Variants in PPIE observed in about 807,000 individuals in gnomAD.
The protein encoded by PPIE is peptidylprolyl isomerase E, also known as peptidyl-prolyl cis-trans isomerase E.
A neutral mutation model predicts 38.4 loss-of-function variants in PPIE; 20 were observed. That is an observed-to-expected ratio of 0.52 (90% CI 0.37 to 0.76). PPIE has a LOEUF of 0.76. Ranked by LOEUF, PPIE falls within the 30% of genes least tolerant of loss-of-function variation. The pLI, the probability that PPIE is intolerant of heterozygous loss-of-function variation, is 0.00. For missense variants in PPIE, 322 were observed against 385.8 expected (o/e 0.83, Z 1.39); for synonymous variants, 142 against 135.7 (o/e 1.05, Z -0.32).
downstream of PPIE, chr1:39,757,329 T>C (rs1389269115): frequency 6.6e-6 from 1 of 152,258 alleles, no homozygotes; most frequent in Admixed American, 6.5e-5. Flanking sequence ...GTCTTTATAA[T>C]AGCTTTGGGA....
At chr1:39,752,801 T>A in intron 8 of PPIE, 109 bp from the exon 9 acceptor site, 2 of 1,344,536 alleles carry the variant, frequency 1.5e-6, no homozygotes, top group South Asian at 1.4e-5. Context: ...GATCTGTGCA[T>A]CCCCGAGTCT....
intron 1 of PPIE, chr1:39,739,284 C>CA (rs1467741475): frequency 3.8e-6 from 1 of 262,266 alleles, no homozygotes; most frequent in African/African-American, 2.2e-5. Flanking sequence ...AGCCTTGCCA[C>CA]ACACCTCAGG....
intron 6 of PPIE, among the ~76,000 whole-genome samples, chr1:39,744,348 A>G (rs1040343680): frequency 3.3e-5 from 5 of 152,020 alleles, no homozygotes; most frequent in Admixed American, 3.3e-4. Context: ...CCTTCCTTCA[A>G]CCTGTACATG....
chr1:39,763,017 C>T, intron 9 of PPIE: 4 of 1,555,646 alleles, frequency 2.6e-6, no homozygotes, highest in Non-Finnish European at 2.7e-6. Flanking sequence ...ACTGCCCTCC[C>T]AGCCAGCTGG....
intron 9 of PPIE, chr1:39,763,686 C>G: frequency 1.9e-6 from 3 of 1,581,466 alleles, no homozygotes; most frequent in Non-Finnish European, 2.6e-6. Flanking sequence ...ATTGTCATTT[C>G]AGAAACAAGA....
chr1:39,746,055 GT>G (rs1647195956), intron 7 of PPIE: 3 of 152,154 alleles, frequency 2.0e-5, no homozygotes. Context: ...ACTCTTAGGT[GT>G]TTTGGTTTTT....
chr1:39,755,144 A>T lies in PPIE; in HGVS notation c.*1789A>T. On this transcript the variant is annotated 3_prime_UTR_variant, in exon 10 of 10. Transcript: ENST00000324379. Reference sequence around the variant, plus strand: ...GCTGGTCAGCCAGGCGGTTATAAAGAATCTCATCTGCTGAAGGCTTTTAGC... The same window carrying T: ...GCTGGTCAGCCAGGCGGTTATAAAGTATCTCATCTGCTGAAGGCTTTTAGC... The T allele has an allele frequency of 1.0e-6, 1 of 985,424 alleles. No individual in the cohort carries two copies. The highest frequency in any genetic ancestry group is 1.2e-6 in the Non-Finnish European group (1 of 829,930). The allele number at this position is 985,424 out of a possible 1,614,324, so 61.0% of individuals were successfully genotyped here. A position where few individuals can be genotyped will look rare whatever the true frequency, so the allele number is the denominator to read the frequency against.
At chr1:39,739,224 G>A in intron 1 of PPIE, 2 of 372,332 alleles carry the variant, frequency 5.4e-6, no homozygotes, top group Admixed American at 9.2e-5. Flanking sequence ...CAAGGTTCAG[G>A]TTATTTCACA....
In PPIE at chr1:39,753,382, C is replaced by T. The variant is rs778985859; in HGVS notation, c.*27C>T. The T allele has an allele frequency of 2.1e-4, 340 of 1,609,604 alleles. No individual in the cohort carries two copies. Among genetic ancestry groups the T allele is most frequent in the Middle Eastern group, 6.6e-4 (4 of 6,070 alleles). ...GCGGCACTCTCTCTGCTTCCCCCTCCGCTCTTGACCCTGCATATCCAGGAA... is the reference window on the plus strand; with the variant it reads ...GCGGCACTCTCTCTGCTTCCCCCTCTGCTCTTGACCCTGCATATCCAGGAA... On this transcript the variant is annotated 3_prime_UTR_variant, in exon 10 of 10. Coordinates refer to ENST00000324379, the MANE Select transcript of PPIE (RefSeq NM_006112.4).
intron 8 of PPIE, among the ~76,000 whole-genome samples, chr1:39,750,683 C>T (rs772986993): frequency 7.9e-5 from 12 of 152,178 alleles, no homozygotes; most frequent in Non-Finnish European, 1.5e-4. Context: ...TGGCAGGACT[C>T]CTGCCTCTTC....
chr1:39,748,838 T>G (rs1647389030), intron 7 of PPIE, 65 bp from the exon 8 acceptor site: 1 of 1,493,056 alleles, frequency 6.7e-7, no homozygotes, highest in Non-Finnish European at 9.1e-7. Flanking sequence ...AAACCAAAGT[T>G]TTTTCGAGGT....
At chr1:39,760,681 A>G (rs1199391386), downstream of PPIE, 5 of 1,325,462 alleles carry the variant, frequency 3.8e-6, no homozygotes, top group African/African-American at 7.5e-5. Flanking sequence ...TCCAGGCCAC[A>G]TGGGAGCAGC....
At chr1:39,758,809 G>T (rs1464289767), downstream of PPIE, 1 of 152,232 alleles carries the variant, frequency 6.6e-6, no homozygotes, top group Admixed American at 6.5e-5. Flanking sequence ...TACATGGGAG[G>T]GTCTCTTCCT....
intron 8 of PPIE, among the ~76,000 whole-genome samples, chr1:39,751,465 C>CCTG (rs1274464293): frequency 2.0e-5 from 3 of 152,230 alleles, no homozygotes; most frequent in South Asian, 2.1e-4. Flanking sequence ...CTCAAGCAGT[C>CCTG]CTGCCTCAGC....
chr1:39,756,187 T>C lies in PPIE; in HGVS notation c.*2832T>C. Reference sequence around the variant, plus strand: ...TGGCTGCCTCGGGAAAACTCTGACCTCTCTGGGAAGTGGAGCCAGTGGCTC... The same window carrying C: ...TGGCTGCCTCGGGAAAACTCTGACCCCTCTGGGAAGTGGAGCCAGTGGCTC... On this transcript the variant is annotated 3_prime_UTR_variant, in exon 10 of 10. Transcript: ENST00000324379. 2.0e-6 allele frequency: 2 copies of C among 985,422 alleles called. No homozygotes were observed. The highest frequency in any genetic ancestry group is 2.4e-6 in the Non-Finnish European group (2 of 829,912). 61.0% of individuals were successfully genotyped at this position (985,422 alleles called of 1,614,324 possible). A position where few individuals can be genotyped will look rare whatever the true frequency, so the allele number is the denominator to read the frequency against.
At chr1:39,752,185 G>A (rs1015777865) in intron 8 of PPIE, among the ~76,000 whole-genome samples, 4 of 152,052 alleles carry the variant, frequency 2.6e-5, no homozygotes, top group South Asian at 2.1e-4. Flanking sequence ...AGTCACACCC[G>A]GTCCCAGGGC....
rs978455839 is a variant in PPIE at position 39,753,448 on chromosome 1, G to A, written c.*93G>A. 17 of 1,552,050 alleles carry A rather than the reference G, an allele frequency of 1.1e-5. No individual in the cohort carries two copies. The highest frequency in any genetic ancestry group is 1.5e-5 in the Non-Finnish European group (17 of 1,150,798). On this transcript the variant is annotated 3_prime_UTR_variant, in exon 10 of 10. Transcript: ENST00000324379. ...AGAGGAGGCAGCACCGAGGGTGCCT[G>A]TTTGAAGCAAGCAGCATTTGGGATA...
At chr1:39,758,266 A>G (rs1330824069), downstream of PPIE, 1 of 152,248 alleles carries the variant, frequency 6.6e-6, no homozygotes, top group Non-Finnish European at 1.5e-5. Context: ...AGTTTTGCTC[A>G]TGTCACCAGG....
At chr1:39,762,963 G>A (rs1649209480) in intron 9 of PPIE, 10 of 1,184,462 alleles carry the variant, frequency 8.4e-6, no homozygotes, top group Middle Eastern at 2.0e-4. Context: ...CGACGTTACT[G>A]ACTGTGCAGA....
Sources: allele counts gnomAD v4.1 joint callset (sites outside exome capture counted in the v4.1 genomes callset), GRCh38; gene constraint gnomAD v4.1.1; transcripts MANE v1.5; gene names NCBI Gene and HGNC (gene_info 2026-07-23, HGNC 2026-07-21).